Variants in HSDL2 observed in about 807,000 individuals in gnomAD.
The protein encoded by HSDL2 is hydroxysteroid dehydrogenase-like protein 2.
HSDL2 carries 27 observed loss-of-function variants against 46.3 expected under a neutral mutation model. The ratio of observed to expected loss-of-function variants is 0.58; its 90% confidence interval spans 0.43 to 0.80. HSDL2 has a LOEUF of 0.80. HSDL2 is among the 30% of genes least tolerant of loss of function. The probability of loss-of-function intolerance (pLI) is 0.00; values close to 1 mark genes in which losing one functional copy is unlikely to be tolerated. For synonymous variants in HSDL2, 153 were observed against 163.6 expected (o/e 0.94, Z 0.50); for missense variants, 451 against 502.7 (o/e 0.90, Z 0.98).
chr9:112,452,089 T>TA, intron 8 of HSDL2, among the ~76,000 whole-genome samples: 1 of 152,172 alleles, frequency 6.6e-6, no homozygotes, highest in East Asian at 1.9e-4. Context: ...TAAAACAGGC[T>TA]AAAAAAATTC....
chr9:112,454,645 T>C (rs1832971643), intron 9 of HSDL2, among the ~76,000 whole-genome samples: 1 of 152,206 alleles, frequency 6.6e-6, no homozygotes, highest in Non-Finnish European at 1.5e-5. Context: ...TTTTTATCTT[T>C]GACATTAACC....
At chr9:112,413,154 G>C (rs1042690547) in intron 4 of HSDL2, among the ~76,000 whole-genome samples, 2 of 151,578 alleles carry the variant, frequency 1.3e-5, no homozygotes, top group African/African-American at 2.4e-5. Flanking sequence ...TCTATGAAAA[G>C]TATGTTATAA....
At chr9:112,444,834 G>T (rs888584300) in intron 8 of HSDL2, among the ~76,000 whole-genome samples, 448 of 79,408 alleles carry the variant, frequency 5.6e-3, no homozygotes, top group African/African-American at 6.3e-3. Flanking sequence ...ACTCAGTCTT[G>T]TTTTTTTTTT....
chr9:112,403,010 A>ACCCATCAGT (rs1831643881), intron 1 of HSDL2, among the ~76,000 whole-genome samples: 1 of 152,066 alleles, frequency 6.6e-6, no homozygotes, highest in African/African-American at 2.4e-5. Context: ...GGGCACAGGG[A>ACCCATCAGT]CCCATCAGTA....
intron 1 of HSDL2, among the ~76,000 whole-genome samples, chr9:112,388,994 A>G (rs1361402078): frequency 1.3e-5 from 2 of 151,998 alleles, no homozygotes; most frequent in Admixed American, 6.6e-5. Context: ...AAGTAGATAC[A>G]TGAGAGACCA....
intron 1 of HSDL2, among the ~76,000 whole-genome samples, chr9:112,385,313 A>C (rs1480577712): frequency 6.6e-6 from 1 of 152,024 alleles, no homozygotes; most frequent in African/African-American, 2.4e-5. Flanking sequence ...CTTTTTTAAA[A>C]GTTTTTAAGT....
rs1459001330 is a variant in HSDL2 at position 112,429,044 on chromosome 9, G to A, written c.599-9387G>A. Among the ~76,000 whole-genome samples the A allele has an allele frequency of 3.9e-5, 6 of 152,244 alleles. No individual in the cohort carries two copies. In the South Asian group the frequency reaches 1.0e-3, roughly 26 times the overall value. ...CTCCCAAGTAGCTGGGATTTCAGGC[G>A]CAGGCCACCATGCCCAGCTAATTTT... On this transcript the variant is annotated intron_variant, in intron 6 of 10. Transcript: ENST00000398805.
At chr9:112,431,587 G>C (rs965913247) in intron 6 of HSDL2, among the ~76,000 whole-genome samples, 1 of 152,062 alleles carries the variant, frequency 6.6e-6, no homozygotes, top group Non-Finnish European at 1.5e-5. Flanking sequence ...TGGATCATGG[G>C]GGCAGCTTTC....
intron 6 of HSDL2, among the ~76,000 whole-genome samples, chr9:112,426,450 A>G (rs1349064694): frequency 1.3e-5 from 2 of 152,008 alleles, no homozygotes; most frequent in African/African-American, 2.4e-5. Flanking sequence ...TGGCCAGGCT[A>G]GTCTCAAACT....
In HSDL2 at chr9:112,418,539, C is replaced by T. The variant is rs978775696; in HGVS notation, c.500-321C>T. Among the ~76,000 whole-genome samples, 63 of 146,872 alleles carry T rather than the reference C, an allele frequency of 4.3e-4. 1 individual carries two copies. The highest frequency in any genetic ancestry group is 1.2e-4 in the Non-Finnish European group (8 of 67,398). On this transcript the variant is annotated intron_variant, in intron 5 of 10. Coordinates refer to ENST00000398805, the MANE Select transcript of HSDL2 (RefSeq NM_032303.5). ...TAGAGGCTGCAGTGAATCGTAATCA[C>T]ACCACTGCACTCCAGCCTGTCTCAA...
intron 1 of HSDL2, among the ~76,000 whole-genome samples, chr9:112,384,297 G>A (rs1831173190): frequency 6.6e-6 from 1 of 151,840 alleles, no homozygotes; most frequent in Non-Finnish European, 1.5e-5. Flanking sequence ...GAAATTTGGA[G>A]CCTTCTTTGA....
chr9:112,469,391 G>A (rs534971378), intron 10 of HSDL2, among the ~76,000 whole-genome samples: 36 of 152,118 alleles, frequency 2.4e-4, no homozygotes, highest in African/African-American at 7.7e-4. Flanking sequence ...CATAATGTAA[G>A]ACAGAAAATC....
intron 1 of HSDL2, among the ~76,000 whole-genome samples, chr9:112,385,315 T>A (rs1410521114): frequency 2.6e-5 from 4 of 152,006 alleles, no homozygotes; most frequent in African/African-American, 7.2e-5. Context: ...TTTTTAAAAG[T>A]TTTTAAGTTT....
At chr9:112,456,460 T>C (rs1216603461) in intron 9 of HSDL2, among the ~76,000 whole-genome samples, 1 of 152,152 alleles carries the variant, frequency 6.6e-6, no homozygotes, top group Admixed American at 6.5e-5. Flanking sequence ...TCCCCAGTCC[T>C]TCATTGTAAC....
intron 4 of HSDL2, among the ~76,000 whole-genome samples, chr9:112,412,240 C>T (rs1831887710): frequency 6.6e-6 from 1 of 152,292 alleles, no homozygotes; most frequent in Admixed American, 6.5e-5. Context: ...TTGTACCACA[C>T]ACCTAGGTAT....
intron 4 of HSDL2, among the ~76,000 whole-genome samples, chr9:112,411,583 G>T (rs951859579): frequency 1.3e-5 from 2 of 152,200 alleles, no homozygotes; most frequent in African/African-American, 4.8e-5. Flanking sequence ...GCTGAGGCAG[G>T]AGAATCGCTT....
chr9:112,391,503 C>T (rs1330513234), intron 1 of HSDL2, among the ~76,000 whole-genome samples: 1 of 151,962 alleles, frequency 6.6e-6, no homozygotes, highest in Non-Finnish European at 1.5e-5. Flanking sequence ...TCAAAAGACA[C>T]TATAAAAATA....
intron 1 of HSDL2, among the ~76,000 whole-genome samples, chr9:112,397,759 G>T (rs925804212): frequency 1.3e-5 from 2 of 152,108 alleles, no homozygotes; most frequent in East Asian, 1.9e-4. Context: ...TTTGCCAAAA[G>T]GTCCCAGTCT....
intron 1 of HSDL2, among the ~76,000 whole-genome samples, chr9:112,390,477 C>A (rs1327355846): frequency 6.6e-6 from 1 of 152,132 alleles, no homozygotes; most frequent in Non-Finnish European, 1.5e-5. Flanking sequence ...TATTTAGAGA[C>A]AGGGTCTCGC....
Sources: gnomAD v4.1 joint callset for allele counts (sites outside exome capture counted in the v4.1 genomes callset) on GRCh38, gnomAD v4.1.1 for gene constraint, MANE v1.5 for transcripts, NCBI Gene and HGNC (gene_info 2026-07-23, HGNC 2026-07-21) for gene names.